Variants in DOCK1 observed in about 807,000 individuals in gnomAD.
DOCK1 encodes the protein dedicator of cytokinesis protein 1.
DOCK1 carries 138 observed loss-of-function variants against 262.7 expected under a neutral mutation model. That is an observed-to-expected ratio of 0.53 (90% confidence interval 0.46 to 0.61). The LOEUF is 0.61. Among genes scored for constraint, DOCK1 ranks in the 20% least tolerant of loss-of-function variants. DOCK1 has a pLI of 0.00. For synonymous variants in DOCK1, 866 were observed against 867.4 expected, an observed-to-expected ratio of 1.00 and a Z score of 0.03; for missense variants, 1,908 against 2,370.7, an observed-to-expected ratio of 0.80 and a Z score of 4.05.
chr10:126,962,371 C>G (rs940122200), intron 1 of DOCK1, among the ~76,000 whole-genome samples: 2 of 152,224 alleles, frequency 1.3e-5, no homozygotes, highest in African/African-American at 4.8e-5. Flanking sequence ...GTTGGTCAGG[C>G]TGATCTCTAA....
intron 1 of DOCK1, among the ~76,000 whole-genome samples, chr10:126,935,676 C>G (rs899408671): frequency 4.9e-4 from 75 of 152,340 alleles, no homozygotes; most frequent in Middle Eastern, 6.8e-3. Flanking sequence ...CCCTTGGATA[C>G]TTGCCTTCCT....
intron 43 of DOCK1, among the ~76,000 whole-genome samples, chr10:127,412,119 C>T (rs933873697): frequency 1.3e-4 from 19 of 151,698 alleles, no homozygotes; most frequent in Admixed American, 1.1e-3. Context: ...CCCGCCACTA[C>T]GCCCGGCTAA....
At chr10:127,387,448 C>T (rs1489472676) in intron 38 of DOCK1, among the ~76,000 whole-genome samples, 3 of 152,176 alleles carry the variant, frequency 2.0e-5, no homozygotes, top group Admixed American at 6.5e-5. Context: ...GAGGACCACG[C>T]GTGCATGGTG....
intron 29 of DOCK1, among the ~76,000 whole-genome samples, chr10:127,310,798 C>G (rs574386639): frequency 6.6e-6 from 1 of 152,264 alleles, no homozygotes; most frequent in South Asian, 2.1e-4. Context: ...GAACACATTA[C>G]TACAATCTCT....
rs779483318 is a variant in DOCK1, at chr10:127,343,717, A to G, written c.3195A>G (p.Ser1065=). The stretch of plus-strand genomic sequence containing the variant: ...AGTCCCTGCAACTGGAGAATTTTTC[A>G]AGTGCCAAGAGAGCCAAAATCCTTA... ...TQESLQLENF[S]SAKRAKILNK... Residue 1065 remains serine (S), a synonymous_variant, in exon 31 of 52, where the codon TCA becomes TCG. Transcript: ENST00000623213. 6 of 1,609,824 alleles carry G rather than the reference A, an allele frequency of 3.7e-6. No homozygotes were observed. The highest frequency in any genetic ancestry group is 3.3e-5 in the South Asian group (3 of 89,646).
At chr10:127,254,389 A>C (rs1297496589) in intron 28 of DOCK1, among the ~76,000 whole-genome samples, 10 of 152,128 alleles carry the variant, frequency 6.6e-5, no homozygotes, top group Non-Finnish European at 4.4e-5. Flanking sequence ...TATGTTCTGC[A>C]AACCAGAAGC....
intron 1 of DOCK1, among the ~76,000 whole-genome samples, chr10:126,940,680 A>G (rs904067485): frequency 6.6e-6 from 1 of 152,224 alleles, no homozygotes. Flanking sequence ...CTGGGATTAT[A>G]GGCGTGAGCC....
chr10:127,166,506 A>G (rs1160319095), intron 27 of DOCK1, among the ~76,000 whole-genome samples: 2 of 152,234 alleles, frequency 1.3e-5, no homozygotes, highest in African/African-American at 2.4e-5. Context: ...TGGAGAAGGT[A>G]CTGAGCATAT....
At chr10:127,116,705 C>A (rs1458298318) in intron 25 of DOCK1, among the ~76,000 whole-genome samples, 2 of 151,964 alleles carry the variant, frequency 1.3e-5, no homozygotes, top group African/African-American at 2.4e-5. Flanking sequence ...AGAAATATAT[C>A]GAAAGGGATC....
intron 1 of DOCK1, among the ~76,000 whole-genome samples, chr10:126,948,784 C>T (rs1178333771): frequency 6.6e-6 from 1 of 152,090 alleles, no homozygotes; most frequent in Non-Finnish European, 1.5e-5. Flanking sequence ...GTGAGCTGCT[C>T]TGATCCTTTG....
intron 27 of DOCK1, among the ~76,000 whole-genome samples, chr10:127,225,708 T>A (rs2058609391): frequency 6.6e-6 from 1 of 152,176 alleles, no homozygotes. Context: ...TTTAATTTTT[T>A]ACTCTGTAAT....
intron 29 of DOCK1, among the ~76,000 whole-genome samples, chr10:127,290,260 T>C (rs1007382451): frequency 1.3e-5 from 2 of 152,218 alleles, no homozygotes; most frequent in Non-Finnish European, 2.9e-5. Context: ...GGTACGATGA[T>C]GTTATCTTAC....
rs755330464 is a variant in DOCK1, at chr10:127,302,996, G to A, written c.3045-36010G>A. On this transcript the variant is annotated intron_variant, in intron 29 of 51. Coordinates refer to ENST00000623213, the MANE Select transcript of DOCK1 (RefSeq NM_001290223.2). ...GAAATGTGGTATTATTAAGTCTTGC[G>A]TTTAAGTTTATAATCAGAAACAAAA... 6.6e-5 allele frequency among the ~76,000 whole-genome samples: 10 copies of A among 152,024 alleles called. No homozygotes were observed. In the East Asian group the frequency reaches 7.7e-4, roughly 12 times the overall value.
chr10:127,101,651 G>A (rs117991457), intron 23 of DOCK1, among the ~76,000 whole-genome samples: 1,612 of 152,288 alleles, frequency 0.011, 17 homozygotes, highest in Non-Finnish European at 0.014. Flanking sequence ...CCCTCGCCCC[G>A]CTTGGCGGTC....
At chr10:126,962,790 G>C (rs2037329695) in intron 1 of DOCK1, among the ~76,000 whole-genome samples, 2 of 152,180 alleles carry the variant, frequency 1.3e-5, no homozygotes, top group African/African-American at 4.8e-5. Context: ...ATAATATCCA[G>C]TAAATCATTG....
chr10:127,162,255 A>T (rs985048663), intron 27 of DOCK1, among the ~76,000 whole-genome samples: 2 of 152,166 alleles, frequency 1.3e-5, no homozygotes, highest in Non-Finnish European at 2.9e-5. Context: ...CTGAATATGA[A>T]CATGCATTTT....
At chr10:127,106,959 T>A (rs562657520) in intron 24 of DOCK1, among the ~76,000 whole-genome samples, 1 of 152,144 alleles carries the variant, frequency 6.6e-6, no homozygotes, top group Admixed American at 6.5e-5. Flanking sequence ...CACAGCCTTT[T>A]TAATTTATTT....
intron 27 of DOCK1, among the ~76,000 whole-genome samples, chr10:127,206,798 G>A (rs1394280677): frequency 2.6e-5 from 4 of 152,168 alleles, no homozygotes; most frequent in African/African-American, 9.7e-5. Context: ...TCAAGAGCTG[G>A]TCTTACGGAA....
chr10:127,339,455 C>A (rs993210787), intron 30 of DOCK1, among the ~76,000 whole-genome samples: 3 of 152,090 alleles, frequency 2.0e-5, no homozygotes, highest in African/African-American at 4.8e-5. Context: ...GTCTGCACCT[C>A]GAGCTCAGCT....
Sources: gnomAD v4.1 joint callset for allele counts (sites outside exome capture counted in the v4.1 genomes callset) on GRCh38, gnomAD v4.1.1 for gene constraint, MANE v1.5 for transcripts, NCBI Gene and HGNC (gene_info 2026-07-23, HGNC 2026-07-21) for gene names.